Variants in EIF4E2 observed in about 807,000 individuals in gnomAD.
The protein encoded by EIF4E2 is eukaryotic translation initiation factor 4E type 2.
In EIF4E2, 13 loss-of-function variants were observed where a neutral mutation model predicts 34.2. The observed-to-expected ratio is 0.38, with a 90% CI of 0.25 to 0.60. The LOEUF is 0.60. EIF4E2 is among the 20% of genes least tolerant of loss of function. The probability of loss-of-function intolerance (pLI) is 0.62; values close to 1 mark genes in which losing one functional copy is unlikely to be tolerated. For missense variants in EIF4E2, 222 were observed against 315.1 expected, an observed-to-expected ratio of 0.70 and a Z score of 2.24; for synonymous variants, 100 against 106.6, an observed-to-expected ratio of 0.94 and a Z score of 0.38.
At chr2:232,578,195 A>T (rs893479500) in intron 6 of EIF4E2, among the ~76,000 whole-genome samples, 19 of 152,268 alleles carry the variant, frequency 1.2e-4, no homozygotes, top group Middle Eastern at 6.8e-3. Context: ...TTTTCCTCTT[A>T]AATCAAACTG....
At chr2:232,573,331 G>A (rs1342398154), downstream of EIF4E2, among the ~76,000 whole-genome samples, 1 of 152,172 alleles carries the variant, frequency 6.6e-6, no homozygotes, top group Admixed American at 6.5e-5. Flanking sequence ...CAAGAATGGA[G>A]TAACAATAAT....
chr2:232,562,550 A>T lies in EIF4E2; in HGVS notation c.271-1697A>T, dbSNP rs1214974698. On this transcript the variant is annotated intron_variant, in intron 3 of 6. Coordinates refer to ENST00000258416, the MANE Select transcript of EIF4E2 (RefSeq NM_004846.4). The stretch of plus-strand genomic sequence containing the variant: ...GCAGTGAGCTGAGGCAGGCTGCACC[A>T]TTGCACTCCAGCCTGGACAAAAAGA... Among the ~76,000 whole-genome samples, 3 of 152,040 alleles carry T rather than the reference A, an allele frequency of 2.0e-5. No individual in the cohort carries two copies. In the South Asian group the frequency reaches 6.2e-4, roughly 32 times the overall value.
chr2:232,564,924 G>C (rs1692867382), intron 4 of EIF4E2, among the ~76,000 whole-genome samples: 1 of 152,124 alleles, frequency 6.6e-6, no homozygotes, highest in Non-Finnish European at 1.5e-5. Flanking sequence ...AAGGATTTTT[G>C]TTTTCAGTTA....
intron 1 of EIF4E2, among the ~76,000 whole-genome samples, chr2:232,555,243 C>T (rs1692481226): frequency 6.6e-6 from 1 of 152,200 alleles, no homozygotes; most frequent in Non-Finnish European, 1.5e-5. Flanking sequence ...TAGTACCATT[C>T]TTGAGAACTG....
At chr2:232,565,923 C>G (rs527807291) in intron 4 of EIF4E2, among the ~76,000 whole-genome samples, 1 of 151,708 alleles carries the variant, frequency 6.6e-6, no homozygotes, top group East Asian at 2.0e-4. Flanking sequence ...GAAACCCTGT[C>G]TCTACTAAAA....
rs544484070 is a variant in EIF4E2, at chr2:232,563,412, G to T, written c.271-835G>T. The stretch of plus-strand genomic sequence containing the variant: ...TTTTTTTCTTTTTTTTTAAGGGGAG[G>T]GGGGGTGACACTAATGAGAAAAACA... On this transcript the variant is annotated intron_variant, in intron 3 of 6. Coordinates refer to ENST00000258416, the MANE Select transcript of EIF4E2 (RefSeq NM_004846.4). Among the ~76,000 whole-genome samples the T allele has an allele frequency of 5.3e-5, 8 of 151,930 alleles. No homozygotes were observed. In the South Asian group the frequency reaches 8.3e-4, roughly 16 times the overall value.
At chr2:232,552,842 G>A (rs1190452) in intron 1 of EIF4E2, among the ~76,000 whole-genome samples, 111,755 of 152,094 alleles carry the variant, frequency 0.73, 41,372 homozygotes, top group Middle Eastern at 0.84. Flanking sequence ...GAAATTAGCA[G>A]TTGAAAACAG....
chr2:232,573,747 TTAGAA>T, downstream of EIF4E2: 8 of 272,580 alleles, frequency 2.9e-5, no homozygotes, highest in South Asian at 1.1e-4. Context: ...TGTAGAAGGG[TTAGAA>T]GGTCGGAAAT....
rs766895289 is a variant in EIF4E2, at chr2:232,565,327, C to T, written c.375+976C>T. The stretch of plus-strand genomic sequence containing the variant: ...TTCAGCTGCTTTTCCTGACTCACTC[C>T]CGTTGACCTTAAGACCCACTTCTTG... On this transcript the variant is annotated intron_variant, in intron 4 of 6. Coordinates refer to ENST00000258416, the MANE Select transcript of EIF4E2 (RefSeq NM_004846.4). Among the ~76,000 whole-genome samples the T allele has an allele frequency of 5.3e-5, 8 of 152,254 alleles. No homozygotes were observed. In the East Asian group the frequency reaches 5.8e-4, roughly 11 times the overall value.
chr2:232,554,344 C>T (rs1692447451), intron 1 of EIF4E2, among the ~76,000 whole-genome samples: 1 of 152,144 alleles, frequency 6.6e-6, no homozygotes, highest in East Asian at 1.9e-4. Flanking sequence ...GGTGATACAA[C>T]TGGAGTGAAA....
chr2:232,558,145 C>T, intron 3 of EIF4E2, 127 bp downstream of exon 3: 1 of 1,273,684 alleles, frequency 7.9e-7, no homozygotes, highest in South Asian at 1.6e-5. Context: ...TGACCTGAGT[C>T]TCCGGAGTCA....
downstream of EIF4E2, among the ~76,000 whole-genome samples, chr2:232,572,736 G>A (rs1427793739): frequency 5.3e-5 from 8 of 152,300 alleles, no homozygotes; most frequent in East Asian, 1.5e-3. Context: ...AAGAAACTGG[G>A]AGGGGAATGT....
At chr2:232,551,046 G>A in intron 1 of EIF4E2, 1 of 615,958 alleles carries the variant, frequency 1.6e-6, no homozygotes, top group Non-Finnish European at 3.0e-6. Context: ...CGGATTGCCT[G>A]CGACGTGGAG....
intron 2 of EIF4E2, chr2:232,557,527 A>G (rs1190441): frequency 0.25 from 53,765 of 215,296 alleles, 7,094 homozygotes; most frequent in Admixed American, 0.35. Flanking sequence ...CTCATTTTGC[A>G]GGTAAGAAGA....
chr2:232,556,690 A>T, intron 2 of EIF4E2, 160 bp downstream of exon 2: 1 of 603,056 alleles, frequency 1.7e-6, no homozygotes, highest in Middle Eastern at 2.7e-4. Flanking sequence ...ATTGATGTTC[A>T]TTTTCAGACC....
intron 3 of EIF4E2, among the ~76,000 whole-genome samples, chr2:232,561,439 T>G (rs1349519869): frequency 6.6e-6 from 1 of 152,212 alleles, no homozygotes; most frequent in African/African-American, 2.4e-5. Flanking sequence ...GGGTTAAGGC[T>G]TCATCCATGC....
At chr2:232,580,092 A>ACG (rs1693310517) in intron 6 of EIF4E2, among the ~76,000 whole-genome samples, 1 of 7,844 alleles carries the variant, frequency 1.3e-4, no homozygotes, top group Admixed American at 5.4e-4. Flanking sequence ...TACCACACAC[A>ACG]CACACACACA....
downstream of EIF4E2, among the ~76,000 whole-genome samples, chr2:232,573,378 A>G (rs1693135905): frequency 6.6e-6 from 1 of 152,204 alleles, no homozygotes; most frequent in Non-Finnish European, 1.5e-5. Context: ...TATTTTATAT[A>G]TAATTCCCAA....
intron 3 of EIF4E2, among the ~76,000 whole-genome samples, chr2:232,559,219 TAA>T (rs1553582294): frequency 4.5e-5 from 3 of 66,910 alleles, no homozygotes; most frequent in Admixed American, 2.1e-4. Context: ...ACTTAAAGTA[TAA>T]AAAAAAAAAA....
Sources: allele counts gnomAD v4.1 joint callset (sites outside exome capture counted in the v4.1 genomes callset), GRCh38; gene constraint gnomAD v4.1.1; transcripts MANE v1.5; gene names NCBI Gene and HGNC (gene_info 2026-07-23, HGNC 2026-07-21).